The following CACNB3 variants were observed in gnomAD, a reference collection of about 807,000 sequenced individuals.
CACNB3 encodes voltage-dependent L-type calcium channel subunit beta-3.
Under a neutral mutation model 63.7 loss-of-function variants are expected in CACNB3, and 36 were observed. The observed-to-expected ratio is 0.57, with a 90% confidence interval of 0.43 to 0.75. The LOEUF (loss-of-function observed/expected upper bound fraction) is 0.75, where lower values mean the gene tolerates loss of function less well. Ranked by LOEUF, CACNB3 falls within the 30% of genes least tolerant of loss-of-function variation. The pLI, the probability that CACNB3 is intolerant of heterozygous loss-of-function variation, is 0.00. For missense variants in CACNB3, 493 were observed against 648.6 expected (o/e 0.76, Z 2.61); for synonymous variants, 241 against 250.6 (o/e 0.96, Z 0.36).
In CACNB3 at chr12:48,827,925, A is replaced by G; in HGVS notation, c.*26A>G. ...CAGCCTCCTGCTGCCCTACCCTGGC[A>G]GGCACAGGCGCAGCTGGCTGGGGGG... On this transcript the variant is annotated 3_prime_UTR_variant, in exon 13 of 13. Coordinates refer to ENST00000301050, the MANE Select transcript of CACNB3 (RefSeq NM_000725.4). 1 of 1,598,032 alleles carries G rather than the reference A, an allele frequency of 6.3e-7. No individual in the cohort carries two copies. Among genetic ancestry groups the G allele is most frequent in the Non-Finnish European group, 8.6e-7 (1 of 1,168,684 alleles).
upstream of CACNB3, among the ~76,000 whole-genome samples, chr12:48,816,649 G>T (rs1317260931): frequency 1.6e-4 from 25 of 152,236 alleles, no homozygotes; most frequent in Admixed American, 1.6e-3. Flanking sequence ...CATCTCCTGG[G>T]GATGGTTGGC....
Position 48,825,719 on chromosome 12 carries a change from A to G in CACNB3, c.692A>G (p.Asn231Ser), listed in dbSNP as rs199982216. The change falls in exon 9 of 13, where the codon AAT becomes AGT. Residue 231 changes from asparagine (N) to serine (S), a missense_variant. Coordinates refer to ENST00000301050, the MANE Select transcript of CACNB3 (RefSeq NM_000725.4). This position sits in a 1 kb window ranked among gnomAD's most constrained non-coding sequence, Gnocchi z 4.5. ...LSLAKRSVLN[N>S]PGKRTIIERS... ...CTGGCAAAGCGATCTGTGCTCAACAATCCGGGCAAGAGGACCATCATTGAG... is the reference window on the plus strand; with the variant it reads ...CTGGCAAAGCGATCTGTGCTCAACAGTCCGGGCAAGAGGACCATCATTGAG... 7.4e-6 allele frequency: 12 copies of G among 1,614,076 alleles called. No homozygotes were observed. Among genetic ancestry groups the G allele is most frequent in the Non-Finnish European group, 1.0e-5 (12 of 1,180,050 alleles).
chr12:48,827,315 G>A lies in CACNB3; in HGVS notation c.1140+192G>A, dbSNP rs183823423. 9.8e-5 allele frequency among the ~76,000 whole-genome samples: 15 copies of A among 152,302 alleles called. No individual in the cohort carries two copies. In the East Asian group the frequency reaches 2.7e-3, roughly 27 times the overall value. On this transcript the variant is annotated intron_variant, in intron 12 of 12. Coordinates refer to ENST00000301050, the MANE Select transcript of CACNB3 (RefSeq NM_000725.4). ...GAGAGAGGGAATCAATCAATGAGAT[G>A]GATACGTCAGAGATTAGTTTCCTAG... is the stretch of plus-strand genomic sequence containing the variant.
intron 1 of CACNB3, chr12:48,821,374 C>G (rs1937840695): frequency 6.6e-6 from 1 of 152,050 alleles, no homozygotes; most frequent in Admixed American, 6.6e-5. Flanking sequence ...GTCGTAGCTA[C>G]TCAGGAGACA....
At chr12:48,815,476 G>T, upstream of CACNB3, 1 of 1,217,862 alleles carries the variant, frequency 8.2e-7, no homozygotes, top group Non-Finnish European at 1.1e-6. Flanking sequence ...TGACAGAGGC[G>T]GCGAGAAAGG....
intron 4 of CACNB3, 81 bp from the exon 5 acceptor site, chr12:48,824,588 C>A: frequency 1.5e-6 from 2 of 1,344,176 alleles, no homozygotes; most frequent in Non-Finnish European, 2.1e-6. Flanking sequence ...GAATTGTGTA[C>A]AATTATTAAA....
At position 48,818,788 on chromosome 12, in the gene CACNB3, T is replaced by G; in HGVS notation, c.-142T>G. 7.4e-7 allele frequency: 1 copy of G among 1,355,494 alleles called. No homozygotes were observed. Among genetic ancestry groups the G allele is most frequent in the Non-Finnish European group, 9.5e-7 (1 of 1,054,528 alleles). The allele number at this position is 1,355,494 out of a possible 1,614,324, so 84.0% of individuals were successfully genotyped here. A position where few individuals can be genotyped will look rare whatever the true frequency, so the allele number is the denominator to read the frequency against. ...CTGGTCTTCGCGGCTCGCTCCCTCC[T>G]TCGCGCTCTCTCGCTCCCTGCCGCC... On this transcript the variant is annotated 5_prime_UTR_variant, in exon 1 of 13. Transcript: ENST00000301050. This position sits in a 1 kb window ranked among gnomAD's most constrained non-coding sequence, Gnocchi z 4.3.
At chr12:48,815,745 T>C, upstream of CACNB3, 2 of 577,074 alleles carry the variant, frequency 3.5e-6, no homozygotes, top group Non-Finnish European at 5.3e-6. Context: ...GTGGGGGGGG[T>C]GTGGGGTCGT....
upstream of CACNB3, chr12:48,818,433 C>A (rs1268616580): frequency 3.0e-6 from 3 of 987,320 alleles, no homozygotes; most frequent in Non-Finnish European, 3.6e-6. This position sits in a 1 kb window ranked among gnomAD's most constrained non-coding sequence, Gnocchi z 4.3. Flanking sequence ...GCGTCTCTGT[C>A]TCCGCATCTC....
At chr12:48,821,987 A>T (rs753376949) in intron 1 of CACNB3, among the ~76,000 whole-genome samples, 1 of 152,166 alleles carries the variant, frequency 6.6e-6, no homozygotes, top group African/African-American at 2.4e-5. Flanking sequence ...GGTAGAGGGC[A>T]TGGTTGACAG....
chr12:48,818,870 C>T lies in CACNB3; in HGVS notation c.-60C>T. The T allele has an allele frequency of 6.5e-7, 1 of 1,532,766 alleles. No individual in the cohort carries two copies. Among genetic ancestry groups the T allele is most frequent in the Middle Eastern group, 1.8e-4 (1 of 5,458 alleles). The allele number at this position is 1,532,766 out of a possible 1,614,324, so 94.9% of individuals were successfully genotyped here. The stretch of plus-strand genomic sequence containing the variant: ...CCCGGGCGCGGCCCGCAGTCCTTGC[C>T]CCTGCCTCCGGGCCGCTCCCGCCCC... On this transcript the variant is annotated 5_prime_UTR_variant, in exon 1 of 13. Transcript: ENST00000301050. This position sits in a 1 kb window ranked among gnomAD's most constrained non-coding sequence, Gnocchi z 4.3.
At position 48,828,714 on chromosome 12, in the gene CACNB3, T is replaced by C. The variant is rs1414223928; in HGVS notation, c.*815T>C. On this transcript the variant is annotated 3_prime_UTR_variant, in exon 13 of 13. Transcript: ENST00000301050. ...CATTCTTTTGCCCTGCATCCTGTCA[T>C]TTCTGTTCTTGTCCCTCATACATCT... 4.4e-6 allele frequency: 2 copies of C among 456,496 alleles called. No homozygotes were observed. The highest frequency in any genetic ancestry group is 4.7e-5 in the Admixed American group (2 of 42,578). The allele number at this position is 456,496 out of a possible 1,614,324, so 28.3% of individuals were successfully genotyped here.
chr12:48,815,981 G>A (rs1942279339), upstream of CACNB3, among the ~76,000 whole-genome samples: 1 of 152,158 alleles, frequency 6.6e-6, no homozygotes, highest in Non-Finnish European at 1.5e-5. Context: ...CAGAAAAAAA[G>A]GGGCTAGATT....
Position 48,823,849 on chromosome 12 carries a change from G to C in CACNB3, c.291+46G>C. 1 of 1,611,730 alleles carries C rather than the reference G, an allele frequency of 6.2e-7. No homozygotes were observed. Among genetic ancestry groups the C allele is most frequent in the East Asian group, 2.2e-5 (1 of 44,874 alleles). ...CAGAAGCCTCTAACTTCATTTTCTT[G>C]CTCTTGCTCCAGATCCTAATGCTTC... is the stretch of plus-strand genomic sequence containing the variant. On this transcript the variant is annotated intron_variant, in intron 3 of 12. Coordinates refer to ENST00000301050, the MANE Select transcript of CACNB3 (RefSeq NM_000725.4). The surrounding 1 kb of genome is among the most constrained non-coding windows in gnomAD (Gnocchi z 4.2).
Position 48,823,522 on chromosome 12 carries a change from C to G in CACNB3, c.168+56C>G, listed in dbSNP as rs1040185195. 3 of 1,603,274 alleles carry G rather than the reference C, an allele frequency of 1.9e-6. No homozygotes were observed. In the African/African-American group the frequency reaches 4.0e-5, roughly 21 times the overall value. The stretch of plus-strand genomic sequence containing the variant: ...AGGCCAAGCTAGGTGGAAACCTGCA[C>G]TCGGTCCTAAGTCCCAAGGGGTCCT... On this transcript the variant is annotated intron_variant, in intron 2 of 12. Coordinates refer to ENST00000301050, the MANE Select transcript of CACNB3 (RefSeq NM_000725.4). The surrounding 1 kb of genome is among the most constrained non-coding windows in gnomAD (Gnocchi z 4.2).
upstream of CACNB3, chr12:48,818,469 G>A: frequency 3.0e-6 from 3 of 992,300 alleles, no homozygotes; most frequent in Non-Finnish European, 3.6e-6. The surrounding 1 kb of genome is among the most constrained non-coding windows in gnomAD (Gnocchi z 4.3). Context: ...CTCCCTGCCT[G>A]GATCCGCCCT....
rs997072792 is a variant in CACNB3, at chr12:48,818,621, C to T, written c.-309C>T. On this transcript the variant is annotated 5_prime_UTR_variant, in exon 1 of 13. Coordinates refer to ENST00000301050, the MANE Select transcript of CACNB3 (RefSeq NM_000725.4). This position sits in a 1 kb window ranked among gnomAD's most constrained non-coding sequence, Gnocchi z 4.3. The stretch of plus-strand genomic sequence containing the variant: ...GTGGCCGCCGCCCCCTCGCCGCCCC[C>T]GCCTTCTCCCGGGGAGGGGGTCAGG... 1.3e-5 allele frequency: 14 copies of T among 1,115,716 alleles called. No homozygotes were observed. The African/African-American group carries it at 1.8e-4, about 15-fold the overall frequency. The allele number at this position is 1,115,716 out of a possible 1,614,324, so 69.1% of individuals were successfully genotyped here. A position where few individuals can be genotyped will look rare whatever the true frequency, so the allele number is the denominator to read the frequency against.
intron 3 of CACNB3, 59 bp from the exon 4 acceptor site, chr12:48,824,199 A>T: frequency 7.2e-7 from 1 of 1,384,368 alleles, no homozygotes; most frequent in Non-Finnish European, 1.0e-6. Context: ...CACATTGAAG[A>T]GCCAGGACTG....
chr12:48,818,722 GGGGGT>G lies in CACNB3; in HGVS notation c.-198_-194del, dbSNP rs1466973664. The stretch of plus-strand genomic sequence containing the variant: ...TCGGGGTGGGACCGGCTGGGTTTGG[GGGGGT>G]GGGGTGGGGGGAGCGGTGATCTGAG... On this transcript the variant is annotated 5_prime_UTR_variant, in exon 1 of 13. Coordinates refer to ENST00000301050, the MANE Select transcript of CACNB3 (RefSeq NM_000725.4). This position sits in a 1 kb window ranked among gnomAD's most constrained non-coding sequence, Gnocchi z 4.3. 7.0e-6 allele frequency: 9 copies of G among 1,287,722 alleles called. No individual in the cohort carries two copies. The East Asian group carries it at 1.7e-4, about 24-fold the overall frequency. 79.8% of individuals were successfully genotyped at this position (1,287,722 alleles called of 1,614,324 possible). A position where few individuals can be genotyped will look rare whatever the true frequency, so the allele number is the denominator to read the frequency against.
Sources: allele counts gnomAD v4.1 joint callset (sites outside exome capture counted in the v4.1 genomes callset), GRCh38; gene constraint gnomAD v4.1.1; non-coding constraint Gnocchi (gnomAD v3.1); transcripts MANE v1.5; gene names NCBI Gene and HGNC (gene_info 2026-07-23, HGNC 2026-07-21).